The following PCDHGA10 variants were observed in gnomAD, a reference collection of about 807,000 sequenced individuals.
The protein encoded by PCDHGA10 is protocadherin gamma subfamily A, 10.
Under a neutral mutation model 59.5 loss-of-function variants are expected in PCDHGA10, and 42 were observed. That is an observed-to-expected ratio of 0.71 (90% CI 0.55 to 0.91). The LOEUF is 0.91. Ranked by LOEUF, PCDHGA10 falls within the 40% of genes least tolerant of loss-of-function variation. The pLI is 0.00. For synonymous variants in PCDHGA10, 511 were observed against 517.2 expected, an observed-to-expected ratio of 0.99 and a Z score of 0.16; for missense variants, 1,111 against 1,198.2, an observed-to-expected ratio of 0.93 and a Z score of 1.07.
chr5:141,486,832 A>G lies in PCDHGA10; in HGVS notation c.2437-7975A>G. 2.5e-6 allele frequency: 4 copies of G among 1,614,182 alleles called. No individual in the cohort carries two copies. Among genetic ancestry groups the G allele is most frequent in the South Asian group, 1.1e-5 (1 of 91,082 alleles). ...TTAGCAGCACTGTAACAGTTCGTCT[A>G]TTTGTGCTGGACCTCAATGACAATG... On this transcript the variant is annotated intron_variant, in intron 1 of 3. Transcript: ENST00000398610. The surrounding 1 kb of genome is among the most constrained non-coding windows in gnomAD (Gnocchi z 5.0).
chr5:141,414,667 G>C lies in PCDHGA10; in HGVS notation c.1492G>C (p.Asp498His). 6.2e-7 allele frequency: 1 copy of C among 1,614,002 alleles called. No homozygotes were observed. Among genetic ancestry groups the C allele is most frequent in the Non-Finnish European group, 8.5e-7 (1 of 1,179,900 alleles). Residue 498 changes from aspartate to histidine, a missense_variant, in exon 1 of 4, where the codon GAC (aspartate) becomes CAC (histidine). By Grantham distance (81) the Asp-to-His change is moderately conservative. Transcript: ENST00000398610. ...NAQIIYSLAE[D>H]TIQGVPLSSY... is the part of the protein sequence containing the mutation. ...CCAGATTATTTACTCCCTGGCTGAA[G>C]ACACCATCCAGGGGGTACCTCTGTC...
At position 141,476,881 on chromosome 5, in the gene PCDHGA10, G is replaced by A. The variant is rs1458703890; in HGVS notation, c.2437-17926G>A. On this transcript the variant is annotated intron_variant, in intron 1 of 3. Coordinates refer to ENST00000398610, the MANE Select transcript of PCDHGA10 (RefSeq NM_018913.3). The surrounding 1 kb of genome is among the most constrained non-coding windows in gnomAD (Gnocchi z 7.6). The stretch of plus-strand genomic sequence containing the variant: ...CCTTGTACCGGGCGCGCGTCCTGGA[G>A]GATGCACCCTCCGGCACGCGCGTGG... 1.9e-6 allele frequency: 3 copies of A among 1,613,874 alleles called. No homozygotes were observed. Among genetic ancestry groups the A allele is most frequent in the Middle Eastern group, 1.6e-4 (1 of 6,084 alleles).
Position 141,418,952 on chromosome 5 carries a change from G to C in PCDHGA10, c.2436+3341G>C, listed in dbSNP as rs1377467334. On this transcript the variant is annotated intron_variant, in intron 1 of 3. Coordinates refer to ENST00000398610, the MANE Select transcript of PCDHGA10 (RefSeq NM_018913.3). ...TATGGAGGATTCCCCTCCAGGAGTG[G>C]TTGTTGCCCTCTTCAAAACACGGGA... 4.3e-6 allele frequency: 7 copies of C among 1,613,932 alleles called. No individual in the cohort carries two copies. Among genetic ancestry groups the C allele is most frequent in the Non-Finnish European group, 5.9e-6 (7 of 1,179,908 alleles).
At position 141,485,010 on chromosome 5, in the gene PCDHGA10, C is replaced by T; in HGVS notation, c.2437-9797C>T. 1 of 629,958 alleles carries T rather than the reference C, an allele frequency of 1.6e-6. No homozygotes were observed. The highest frequency in any genetic ancestry group is 2.9e-6 in the Non-Finnish European group (1 of 350,608). 39.0% of individuals were successfully genotyped at this position (629,958 alleles called of 1,614,324 possible). On this transcript the variant is annotated intron_variant, in intron 1 of 3. Coordinates refer to ENST00000398610, the MANE Select transcript of PCDHGA10 (RefSeq NM_018913.3). This position sits in a 1 kb window ranked among gnomAD's most constrained non-coding sequence, Gnocchi z 5.7. ...GTGGTGAAAGGCAGACAAATCTACC[C>T]CGCCACCAGCAAAAACGGCGCGTAA...
At chr5:141,416,405 T>C (rs948190812) in intron 1 of PCDHGA10, 1 of 152,200 alleles carries the variant, frequency 6.6e-6, no homozygotes, top group Non-Finnish European at 1.5e-5. Context: ...TTTGTCTTTT[T>C]TGTTAAATTT....
At chr5:141,448,263 A>G (rs2098578874) in intron 1 of PCDHGA10, among the ~76,000 whole-genome samples, 1 of 152,088 alleles carries the variant, frequency 6.6e-6, no homozygotes, top group Non-Finnish European at 1.5e-5. Flanking sequence ...ATTTTACAGT[A>G]TATATACTGT....
chr5:141,437,651 CAT>C (rs1255783396), intron 1 of PCDHGA10, among the ~76,000 whole-genome samples: 2 of 151,990 alleles, frequency 1.3e-5, no homozygotes, highest in Non-Finnish European at 2.9e-5. Context: ...AAAGCAAACA[CAT>C]AGTTTCGAAG....
Position 141,477,656 on chromosome 5 carries a change from C to T in PCDHGA10, c.2437-17151C>T, listed in dbSNP as rs755621234. The T allele has an allele frequency of 1.9e-6, 3 of 1,614,184 alleles. No homozygotes were observed. The South Asian group carries it at 3.3e-5, about 18-fold the overall frequency. ...AGTGGGTCGCTATTTCACAATAAATCGTGACAATGGCATAGTGTCATCCTT... is the reference window on the plus strand; with the variant it reads ...AGTGGGTCGCTATTTCACAATAAATTGTGACAATGGCATAGTGTCATCCTT... On this transcript the variant is annotated intron_variant, in intron 1 of 3. Transcript: ENST00000398610. The surrounding 1 kb of genome is among the most constrained non-coding windows in gnomAD (Gnocchi z 4.9).
intron 1 of PCDHGA10, among the ~76,000 whole-genome samples, chr5:141,480,730 G>T (rs1261461187): frequency 6.6e-6 from 1 of 152,168 alleles, no homozygotes; most frequent in Non-Finnish European, 1.5e-5. Flanking sequence ...GTCTCTGGGG[G>T]TGGGACATAG....
intron 1 of PCDHGA10, among the ~76,000 whole-genome samples, chr5:141,484,084 T>A (rs1030166144): frequency 3.3e-5 from 5 of 152,174 alleles, no homozygotes; most frequent in African/African-American, 4.8e-5. Flanking sequence ...TCTTTTGAAA[T>A]GGTCTTCGTT....
At chr5:141,464,300 A>T (rs1349155102) in intron 1 of PCDHGA10, among the ~76,000 whole-genome samples, 2 of 149,898 alleles carry the variant, frequency 1.3e-5, no homozygotes, top group African/African-American at 4.9e-5. Flanking sequence ...ACTCCATTGT[A>T]TGTGCACATA....
Position 141,413,365 on chromosome 5 carries a change from G to A in PCDHGA10, c.190G>A (p.Ala64Thr), listed in dbSNP as rs1046513869. The change falls in exon 1 of 4, where the codon GCG (alanine) becomes ACG (threonine). Residue 64 changes from alanine (A) to threonine (T), a missense_variant. By Grantham distance (58) the Ala-to-Thr change is moderately conservative. Coordinates refer to ENST00000398610, the MANE Select transcript of PCDHGA10 (RefSeq NM_018913.3). ...KDLGLAPREL[A>T]ERGVRIVSRG... ...CTTGGGTCTGGCGCCCCGGGAGCTG[G>A]CGGAGCGCGGAGTCCGCATAGTCTC... The A allele has an allele frequency of 8.7e-6, 14 of 1,614,000 alleles. No individual in the cohort carries two copies. The highest frequency in any genetic ancestry group is 1.2e-5 in the Non-Finnish European group (14 of 1,179,904).
chr5:141,496,338 G>A (rs1011495959), intron 2 of PCDHGA10, among the ~76,000 whole-genome samples: 5 of 152,230 alleles, frequency 3.3e-5, no homozygotes, highest in African/African-American at 9.6e-5. Flanking sequence ...TCAGGAGCCT[G>A]GAGGAGTCTC....
At chr5:141,436,173 A>T (rs556225963) in intron 1 of PCDHGA10, among the ~76,000 whole-genome samples, 1 of 152,302 alleles carries the variant, frequency 6.6e-6, no homozygotes, top group East Asian at 1.9e-4. Context: ...GACAGTTCTC[A>T]TATATAGTCA....
Position 141,512,089 on chromosome 5 carries a change from T to C in PCDHGA10, c.*916T>C, listed in dbSNP as rs1292597067. 6.6e-6 allele frequency: 1 copy of C among 152,606 alleles called. No individual in the cohort carries two copies. Among genetic ancestry groups the C allele is most frequent in the Non-Finnish European group, 1.5e-5 (1 of 68,068 alleles). 9.5% of individuals were successfully genotyped at this position (152,606 alleles called of 1,614,324 possible). A position where few individuals can be genotyped will look rare whatever the true frequency, so the allele number is the denominator to read the frequency against. ...CCTCCAGATTCCAGCCATAAACCAA[T>C]AACTAGGCTGGACCCTTCCCACTAC... On this transcript the variant is annotated 3_prime_UTR_variant, in exon 4 of 4. Coordinates refer to ENST00000398610, the MANE Select transcript of PCDHGA10 (RefSeq NM_018913.3).
In PCDHGA10 at chr5:141,414,653, A is replaced by G. The variant is rs2095771118; in HGVS notation, c.1478A>G (p.Tyr493Cys). ...PDSKENAQII[Y>C]SLAEDTIQGV... ...AGCAAAGAGAATGCCCAGATTATTT[A>G]CTCCCTGGCTGAAGACACCATCCAG... The change falls in exon 1 of 4, where the codon TAC (tyrosine) becomes TGC (cysteine). Residue 493 changes from tyrosine to cysteine, a missense_variant. Coordinates refer to ENST00000398610, the MANE Select transcript of PCDHGA10 (RefSeq NM_018913.3). 6.2e-7 allele frequency: 1 copy of G among 1,613,644 alleles called. No homozygotes were observed.
At chr5:141,455,225 C>CA (rs2098817003) in intron 1 of PCDHGA10, among the ~76,000 whole-genome samples, 2 of 151,666 alleles carry the variant, frequency 1.3e-5, no homozygotes, top group South Asian at 2.1e-4. Context: ...AATGCTTTGA[C>CA]AAAAAATGTT....
chr5:141,484,532 G>A (rs1421387882), intron 1 of PCDHGA10, among the ~76,000 whole-genome samples: 1 of 152,182 alleles, frequency 6.6e-6, no homozygotes, highest in Non-Finnish European at 1.5e-5. Context: ...TTGAGTATAT[G>A]GCAGTGGTTC....
At chr5:141,460,829 A>C (rs1242954704) in intron 1 of PCDHGA10, among the ~76,000 whole-genome samples, 1 of 151,944 alleles carries the variant, frequency 6.6e-6, no homozygotes, top group African/African-American at 2.4e-5. Flanking sequence ...ATACACACTT[A>C]AAGTAATGGC....
Sources: allele counts gnomAD v4.1 joint callset (sites outside exome capture counted in the v4.1 genomes callset), GRCh38; gene constraint gnomAD v4.1.1; non-coding constraint Gnocchi (gnomAD v3.1); transcripts MANE v1.5; gene names NCBI Gene and HGNC (gene_info 2026-07-23, HGNC 2026-07-21).